Variants in GRM7 observed in about 807,000 individuals in gnomAD.
The protein encoded by GRM7 is glutamate metabotropic receptor 7, also known as metabotropic glutamate receptor 7.
A neutral mutation model predicts 84.5 loss-of-function variants in GRM7; 35 were observed. That is an observed-to-expected ratio of 0.41 (90% CI 0.32 to 0.55). The LOEUF (loss-of-function observed/expected upper bound fraction) is 0.55. GRM7 is among the 20% of genes least tolerant of loss of function. The probability of loss-of-function intolerance (pLI) is 0.19; values close to 1 mark genes in which losing one functional copy is unlikely to be tolerated. For missense variants in GRM7, 1,003 were observed against 1,194.6 expected (o/e 0.84, Z 2.36); for synonymous variants, 487 against 455.1 (o/e 1.07, Z -0.89).
chr3:7,285,164 C>G (rs1575119992), intron 2 of GRM7, among the ~76,000 whole-genome samples: 1 of 152,240 alleles, frequency 6.6e-6, no homozygotes, highest in East Asian at 1.9e-4. Flanking sequence ...ACTGCAAAGT[C>G]TCAAATATTC....
intron 8 of GRM7, among the ~76,000 whole-genome samples, chr3:7,593,605 A>G (rs531308269): frequency 6.6e-6 from 1 of 152,312 alleles, no homozygotes; most frequent in Non-Finnish European, 1.5e-5. Context: ...CCTGCATGAA[A>G]TGAAATAGCA....
chr3:7,430,380 T>A (rs1305027541), intron 5 of GRM7, among the ~76,000 whole-genome samples: 1 of 152,120 alleles, frequency 6.6e-6, no homozygotes, highest in Non-Finnish European at 1.5e-5. Context: ...ACAAGAAAAA[T>A]GTTCATTGTT....
chr3:7,478,474 G>C (rs1483326516), intron 7 of GRM7, among the ~76,000 whole-genome samples: 1 of 152,146 alleles, frequency 6.6e-6, no homozygotes, highest in African/African-American at 2.4e-5. Flanking sequence ...AAAAAAGCAT[G>C]GAATTTAATC....
intron 5 of GRM7, among the ~76,000 whole-genome samples, chr3:7,439,760 C>A (rs548327055): frequency 6.6e-6 from 1 of 152,236 alleles, no homozygotes; most frequent in East Asian, 1.9e-4. Flanking sequence ...CTGGGGGAAG[C>A]AGTGTTCTCA....
intron 4 of GRM7, among the ~76,000 whole-genome samples, chr3:7,321,900 A>G (rs773501359): frequency 2.0e-5 from 3 of 152,118 alleles, no homozygotes; most frequent in South Asian, 2.1e-4. Context: ...GCAGATGCTT[A>G]TGACTTATGC....
chr3:7,474,455 A>T (rs976021644), intron 7 of GRM7, among the ~76,000 whole-genome samples: 2 of 151,430 alleles, frequency 1.3e-5, no homozygotes, highest in Non-Finnish European at 2.9e-5. Flanking sequence ...AAAAAAAAAA[A>T]ATTGACAATT....
intron 2 of GRM7, among the ~76,000 whole-genome samples, chr3:7,193,059 G>A (rs145750684): frequency 2.0e-5 from 3 of 152,056 alleles, no homozygotes; most frequent in East Asian, 3.9e-4. Flanking sequence ...GTTTTGGTGG[G>A]GTAATCTCTT....
chr3:7,329,907 C>G (rs78053000), intron 4 of GRM7, among the ~76,000 whole-genome samples: 68,443 of 151,480 alleles, frequency 0.45, 15,604 homozygotes, highest in African/African-American at 0.52. Flanking sequence ...ATTAATTTTC[C>G]AGTTGTGTAG....
intron 4 of GRM7, among the ~76,000 whole-genome samples, chr3:7,396,536 A>C (rs1484555330): frequency 6.6e-6 from 1 of 152,120 alleles, no homozygotes; most frequent in Non-Finnish European, 1.5e-5. Context: ...TTATATTTTT[A>C]TTGCTATTAT....
At chr3:6,959,998 G>A (rs1693228021) in intron 1 of GRM7, among the ~76,000 whole-genome samples, 1 of 152,156 alleles carries the variant, frequency 6.6e-6, no homozygotes, top group South Asian at 2.1e-4. Context: ...CAGACTAATA[G>A]AAGATTAGAT....
At chr3:7,240,508 A>G (rs920727819) in intron 2 of GRM7, among the ~76,000 whole-genome samples, 1 of 152,210 alleles carries the variant, frequency 6.6e-6, no homozygotes, top group Non-Finnish European at 1.5e-5. Flanking sequence ...GAATTATACA[A>G]CTACTAAGAT....
At chr3:6,948,266 A>G (rs371441394) in intron 1 of GRM7, among the ~76,000 whole-genome samples, 1 of 151,926 alleles carries the variant, frequency 6.6e-6, no homozygotes, top group Non-Finnish European at 1.5e-5. Flanking sequence ...CTTTGTTCTC[A>G]TTGGTTTCAA....
At chr3:7,654,054 T>C (rs904414330) in intron 8 of GRM7, among the ~76,000 whole-genome samples, 3 of 151,414 alleles carry the variant, frequency 2.0e-5, no homozygotes, top group Non-Finnish European at 4.4e-5. Flanking sequence ...CTAATGCTGA[T>C]AGCTAATAGC....
chr3:6,919,183 A>G (rs1697037248), intron 1 of GRM7, among the ~76,000 whole-genome samples: 2 of 152,000 alleles, frequency 1.3e-5, no homozygotes, highest in African/African-American at 4.8e-5. Context: ...CTTAAAATAA[A>G]TGTATTTTAT....
At chr3:7,173,583 A>G (rs1012481925) in intron 2 of GRM7, among the ~76,000 whole-genome samples, 1 of 152,132 alleles carries the variant, frequency 6.6e-6, no homozygotes, top group African/African-American at 2.4e-5. Flanking sequence ...GCCCTTTTCC[A>G]CATTGCCTAT....
chr3:7,727,537 G>A (rs947063250), intron 9 of GRM7, among the ~76,000 whole-genome samples: 1 of 152,172 alleles, frequency 6.6e-6, no homozygotes, highest in Non-Finnish European at 1.5e-5. Context: ...AAAAGGAACT[G>A]TAACTCCAGA....
At chr3:6,940,697 T>C (rs994042088) in intron 1 of GRM7, among the ~76,000 whole-genome samples, 2 of 152,216 alleles carry the variant, frequency 1.3e-5, no homozygotes, top group Admixed American at 6.5e-5. Context: ...AAGTATGTCA[T>C]AGTAATGATG....
intron 7 of GRM7, among the ~76,000 whole-genome samples, chr3:7,466,308 C>T (rs1368170606): frequency 2.6e-5 from 4 of 152,084 alleles, no homozygotes; most frequent in Admixed American, 1.3e-4. Flanking sequence ...TACAGACAGG[C>T]ACTGGTTTAG....
At chr3:6,987,669 CCT>C (rs1694468627) in intron 1 of GRM7, among the ~76,000 whole-genome samples, 2 of 152,142 alleles carry the variant, frequency 1.3e-5, no homozygotes, top group Admixed American at 1.3e-4. Flanking sequence ...GCCACTGGTT[CCT>C]GAGTCACATG....
Sources: gnomAD v4.1 joint callset for allele counts (sites outside exome capture counted in the v4.1 genomes callset) on GRCh38, gnomAD v4.1.1 for gene constraint, MANE v1.5 for transcripts, NCBI Gene and HGNC (gene_info 2026-07-23, HGNC 2026-07-21) for gene names.